The following KCNMA1 variants were observed in gnomAD, a reference collection of about 807,000 sequenced individuals.
The protein encoded by KCNMA1 is potassium calcium-activated channel subfamily M alpha 1, also known as Calcium-activated potassium channel subunit alpha-1.
Under a neutral mutation model 140.0 loss-of-function variants are expected in KCNMA1, and 29 were observed. The observed-to-expected ratio is 0.21, with a 90% CI of 0.15 to 0.28. KCNMA1 has a LOEUF of 0.28. Ranked by LOEUF, KCNMA1 falls within the 10% of genes least tolerant of loss-of-function variation. The pLI, the probability that KCNMA1 is intolerant of heterozygous loss-of-function variation, is 1.00. For missense variants in KCNMA1, 880 were observed against 1,602.2 expected, an observed-to-expected ratio of 0.55 and a Z score of 7.70; for synonymous variants, 612 against 611.9, an observed-to-expected ratio of 1.00 and a Z score of 0.00.
chr10:77,181,810 A>C (rs541993687), intron 5 of KCNMA1, among the ~76,000 whole-genome samples: 1 of 152,322 alleles, frequency 6.6e-6, no homozygotes, highest in Admixed American at 6.5e-5. Context: ...CAGTCTAACC[A>C]AGCATATCTC....
At chr10:77,046,012 G>A (rs2153606728) in intron 14 of KCNMA1, among the ~76,000 whole-genome samples, 1 of 152,140 alleles carries the variant, frequency 6.6e-6, no homozygotes, top group South Asian at 2.1e-4. Context: ...GCACTAAAAG[G>A]AAATTATAAA....
At chr10:77,218,625 G>A (rs570157022) in intron 3 of KCNMA1, among the ~76,000 whole-genome samples, 31 of 152,210 alleles carry the variant, frequency 2.0e-4, no homozygotes, top group Non-Finnish European at 4.1e-4. Flanking sequence ...GATCCCAAGA[G>A]CATCCTTTCT....
chr10:77,077,308 TGC>T (rs2096430162), intron 13 of KCNMA1, among the ~76,000 whole-genome samples: 1 of 152,234 alleles, frequency 6.6e-6, no homozygotes, highest in Non-Finnish European at 1.5e-5. Context: ...TAAGTGATTC[TGC>T]CCAACCCCAA....
At chr10:77,094,632 T>C (rs2096885654) in intron 9 of KCNMA1, among the ~76,000 whole-genome samples, 1 of 152,208 alleles carries the variant, frequency 6.6e-6, no homozygotes, top group Admixed American at 6.5e-5. Context: ...CAAACTTAAC[T>C]GAAGCCATAT....
intron 2 of KCNMA1, among the ~76,000 whole-genome samples, chr10:77,257,838 C>T (rs1452365406): frequency 1.3e-5 from 2 of 152,192 alleles, no homozygotes; most frequent in African/African-American, 4.8e-5. Flanking sequence ...CTTGCTCCTC[C>T]TTGCCTTCCG....
At chr10:77,188,390 T>G (rs997206538) in intron 3 of KCNMA1, among the ~76,000 whole-genome samples, 1 of 152,188 alleles carries the variant, frequency 6.6e-6, no homozygotes, top group African/African-American at 2.4e-5. Context: ...TTAACTTATA[T>G]CCTCTTAATA....
intron 14 of KCNMA1, among the ~76,000 whole-genome samples, chr10:77,069,890 A>C (rs1346760278): frequency 1.3e-5 from 2 of 152,076 alleles, no homozygotes; most frequent in African/African-American, 4.8e-5. Flanking sequence ...ATCTTGGCTC[A>C]CTGCGACCTC....
chr10:77,512,658 G>T (rs2048806235), intron 1 of KCNMA1, among the ~76,000 whole-genome samples: 1 of 152,044 alleles, frequency 6.6e-6, no homozygotes, highest in Non-Finnish European at 1.5e-5. Flanking sequence ...CATTAGGGTG[G>T]GCCCTCATCC....
Position 77,364,319 on chromosome 10 carries a change from T to C in KCNMA1, c.540+39543A>G, listed in dbSNP as rs557922694. 3.9e-5 allele frequency among the ~76,000 whole-genome samples: 6 copies of C among 152,048 alleles called. No homozygotes were observed. In the Middle Eastern group the frequency reaches 0.01, roughly 259 times the overall value. On this transcript the variant is annotated intron_variant, in intron 2 of 27. Transcript: ENST00000286628. ...TACAAAAATTAGCCAGGTATGGTGGTGTGTGCCTGTAGTCTCAGCTACTTG... is the reference window on the plus strand; with the variant it reads ...TACAAAAATTAGCCAGGTATGGTGGCGTGTGCCTGTAGTCTCAGCTACTTG...
chr10:77,521,576 T>C (rs906921288), intron 1 of KCNMA1, among the ~76,000 whole-genome samples: 3 of 152,252 alleles, frequency 2.0e-5, no homozygotes, highest in Admixed American at 2.0e-4. Flanking sequence ...TCTTTGGAGA[T>C]CTGCTGTAAG....
At chr10:77,480,013 T>C (rs1448813381) in intron 1 of KCNMA1, among the ~76,000 whole-genome samples, 1 of 152,148 alleles carries the variant, frequency 6.6e-6, no homozygotes, top group East Asian at 1.9e-4. Flanking sequence ...CATCGATTAT[T>C]GGATTGAATA....
chr10:77,290,599 T>G (rs1234271549), intron 2 of KCNMA1, among the ~76,000 whole-genome samples: 1 of 152,198 alleles, frequency 6.6e-6, no homozygotes, highest in East Asian at 1.9e-4. Flanking sequence ...GGGAGTTAGA[T>G]GTTTTCCTTC....
chr10:76,947,646 C>G (rs2064554908), intron 22 of KCNMA1, among the ~76,000 whole-genome samples: 1 of 152,310 alleles, frequency 6.6e-6, no homozygotes, highest in Admixed American at 6.5e-5. Context: ...CTGTGTATGA[C>G]TGTTTGTCTA....
Position 77,326,266 on chromosome 10 carries a change from TC to T in KCNMA1, c.541-75011del, listed in dbSNP as rs1357191097. 2.6e-5 allele frequency among the ~76,000 whole-genome samples: 4 copies of T among 152,124 alleles called. No homozygotes were observed. In the East Asian group the frequency reaches 7.7e-4, roughly 29 times the overall value. ...TCACTCTCTGGAGCTTAGCTCAGGT[TC>T]CCCCACAAGTCTCACCACCATGAAG... On this transcript the variant is annotated intron_variant, in intron 2 of 27. Transcript: ENST00000286628.
At position 77,487,781 on chromosome 10, in the gene KCNMA1, A is replaced by G. The variant is rs149957676; in HGVS notation, c.379-83758T>C. Among the ~76,000 whole-genome samples the G allele has an allele frequency of 9.6e-4, 146 of 152,202 alleles. 1 individual carries two copies. Among genetic ancestry groups the G allele is most frequent in the Non-Finnish European group, 1.9e-3 (128 of 68,030 alleles). On this transcript the variant is annotated intron_variant, in intron 1 of 27. Transcript: ENST00000286628. ...TGCAAGACATTTTGAGAAGGGCACC[A>G]GCTTAAGCCAGTGGTCCTCAGAGAT...
chr10:77,070,383 G>A (rs1303649850), intron 14 of KCNMA1, among the ~76,000 whole-genome samples: 1 of 152,076 alleles, frequency 6.6e-6, no homozygotes, highest in Non-Finnish European at 1.5e-5. Flanking sequence ...CATCTTTGCT[G>A]TTACAGTCTT....
chr10:76,931,534 G>A (rs2059277819), intron 23 of KCNMA1, among the ~76,000 whole-genome samples: 1 of 151,270 alleles, frequency 6.6e-6, no homozygotes, highest in South Asian at 2.1e-4. Context: ...AAAAAAAAGA[G>A]GCAAAGGAGG....
chr10:77,440,375 G>A (rs1279418008), intron 1 of KCNMA1, among the ~76,000 whole-genome samples: 1 of 152,170 alleles, frequency 6.6e-6, no homozygotes, highest in African/African-American at 2.4e-5. Context: ...ACTTTCCTAA[G>A]GCCACAGGGT....
rs199804708 is a variant in KCNMA1, at chr10:76,886,137, C to T, written c.*1129G>A. 22 of 985,240 alleles carry T rather than the reference C, an allele frequency of 2.2e-5. No individual in the cohort carries two copies. Among genetic ancestry groups the T allele is most frequent in the Admixed American group, 1.2e-4 (2 of 16,256 alleles). The allele number at this position is 985,240 out of a possible 1,614,324, so 61.0% of individuals were successfully genotyped here. A position where few individuals can be genotyped will look rare whatever the true frequency, so the allele number is the denominator to read the frequency against. On this transcript the variant is annotated 3_prime_UTR_variant, in exon 28 of 28. Coordinates refer to ENST00000286628, the MANE Select transcript of KCNMA1 (RefSeq NM_001161352.2). ...CTACATTCTAATTTATTTAGCATGT[C>T]GGCTCCTAGAAAAGCATGATCTGCA... is the stretch of plus-strand genomic sequence containing the variant.
Sources: gnomAD v4.1 joint callset for allele counts (sites outside exome capture counted in the v4.1 genomes callset) on GRCh38, gnomAD v4.1.1 for gene constraint, MANE v1.5 for transcripts, NCBI Gene and HGNC (gene_info 2026-07-23, HGNC 2026-07-21) for gene names.